Variants in USP6 observed in about 807,000 individuals in gnomAD.
The protein encoded by USP6 is ubiquitin specific peptidase 6, also known as ubiquitin carboxyl-terminal hydrolase 6.
Under a neutral mutation model 175.7 loss-of-function variants are expected in USP6, and 128 were observed. That is an observed-to-expected ratio of 0.73 (90% CI 0.63 to 0.84). USP6 has a LOEUF of 0.84. Ranked by LOEUF, USP6 falls within the 40% of genes least tolerant of loss-of-function variation. USP6 has a pLI of 0.00. For synonymous variants in USP6, 562 were observed against 630.6 expected (o/e 0.89, Z 1.63); for missense variants, 1,498 against 1,760.3 (o/e 0.85, Z 2.67).
At chr17:5,143,070 C>T (rs1480237157) in intron 25 of USP6, among the ~76,000 whole-genome samples, 4 of 152,162 alleles carry the variant, frequency 2.6e-5, no homozygotes, top group Admixed American at 2.0e-4. Context: ...CCGCCCCATC[C>T]GGGAGGGAGG....
intron 1 of USP6, among the ~76,000 whole-genome samples, chr17:5,117,121 A>T (rs2072555524): frequency 6.6e-6 from 1 of 152,202 alleles, no homozygotes; most frequent in Non-Finnish European, 1.5e-5. Context: ...TTTATTAATG[A>T]TTCTAATTAG....
chr17:5,125,678 G>GCACGCACACA (rs1555589162), intron 5 of USP6, 143 bp from the exon 6 acceptor site: 1 of 137,592 alleles, frequency 7.3e-6, no homozygotes, highest in Non-Finnish European at 1.6e-5. Context: ...ACACGCACAT[G>GCACGCACACA]CACACACACA....
intron 6 of USP6, among the ~76,000 whole-genome samples, chr17:5,126,575 C>T (rs2072901055): frequency 6.6e-6 from 1 of 152,142 alleles, no homozygotes; most frequent in Admixed American, 6.5e-5. Context: ...TGTCTCTTTG[C>T]GTTTTGTGTC....
intron 26 of USP6, 23 bp from the exon 27 acceptor site, chr17:5,145,382 A>T: frequency 6.4e-7 from 1 of 1,554,096 alleles, no homozygotes; most frequent in South Asian, 1.2e-5. Flanking sequence ...TTGAGAGAAA[A>T]TTCTCATCTT....
chr17:5,150,307 T>A lies in USP6; in HGVS notation c.2643+1540T>A, dbSNP rs571307021. On this transcript the variant is annotated intron_variant, in intron 30 of 37. Coordinates refer to ENST00000574788, the MANE Select transcript of USP6 (RefSeq NM_001304284.2). Reference sequence around the variant, plus strand: ...AACTCCGTCTAAAAAAATAAATAAATAAATAAATAAATAAATAAATAAATA... The same window carrying A: ...AACTCCGTCTAAAAAAATAAATAAAAAAATAAATAAATAAATAAATAAATA... Among the ~76,000 whole-genome samples the A allele has an allele frequency of 5.2e-4, 75 of 144,776 alleles. 1 individual carries two copies. The highest frequency in any genetic ancestry group is 7.0e-3 in the Middle Eastern group (2 of 286). The allele number at this position is 144,776 out of a possible 152,430, so 95.0% of individuals were successfully genotyped here.
At chr17:5,143,972 A>G (rs2073533925) in intron 25 of USP6, among the ~76,000 whole-genome samples, 4 of 152,166 alleles carry the variant, frequency 2.6e-5, no homozygotes, top group South Asian at 2.1e-4. Context: ...ACTAATGAAT[A>G]TAAGTTTTAT....
At chr17:5,123,902 T>A (rs11870478) in intron 4 of USP6, among the ~76,000 whole-genome samples, 1 of 149,444 alleles carries the variant, frequency 6.7e-6, no homozygotes, top group Non-Finnish European at 1.5e-5. Context: ...AGCACGCACG[T>A]GCGCACACAC....
rs1381158759 is a variant in USP6, at chr17:5,155,560, G to A, written c.2782G>A (p.Ala928Thr). ...DAVWIQVSWL[A>T]RPLPPQEASI... The stretch of plus-strand genomic sequence containing the variant: ...GGTTTGGATTCAAGTATCCTGGTTA[G>A]CAAGACCACTCCCACCTCAGGAAGC... Residue 928 changes from alanine to threonine, a missense_variant, in exon 31 of 38, where the codon GCA becomes ACA. This residue lies in a region of USP6 where 1,217 missense variants were observed against 1,500.8 expected (regional missense o/e 0.81). Coordinates refer to ENST00000574788, the MANE Select transcript of USP6 (RefSeq NM_001304284.2). 2 of 1,613,864 alleles carry A rather than the reference G, an allele frequency of 1.2e-6. No homozygotes were observed. Among genetic ancestry groups the A allele is most frequent in the African/African-American group, 2.7e-5 (2 of 74,862 alleles).
chr17:5,167,365 T>G (rs1288101520), intron 33 of USP6, among the ~76,000 whole-genome samples: 1 of 152,270 alleles, frequency 6.6e-6, no homozygotes, highest in Non-Finnish European at 1.5e-5. Flanking sequence ...CAATTCTTTT[T>G]GTTTTTGTCA....
Position 5,133,986 on chromosome 17 carries a change from TATGGAGCCAAGTA to T in USP6, c.486_494+4del. 5.6e-6 allele frequency: 9 copies of T among 1,613,834 alleles called. No individual in the cohort carries two copies. The highest frequency in any genetic ancestry group is 5.9e-6 in the Non-Finnish European group (7 of 1,179,898). On this transcript the variant is annotated splice_donor_variant and splice_donor_region_variant and coding_sequence_variant and intron_variant, in exon 15 of 38. Transcript: ENST00000574788. LOFTEE classifies it high-confidence loss of function. Reference sequence around the variant, plus strand: ...GAACCATGTCTTCTTTAGGGATCGATATGGAGCCAAGTAAGCCTACGGGAGCCACACAGTCCCA... The same window carrying T: ...GAACCATGTCTTCTTTAGGGATCGATAGCCTACGGGAGCCACACAGTCCCA...
chr17:5,168,116 C>G lies in USP6; in HGVS notation c.3221C>G (p.Pro1074Arg), dbSNP rs1267225299. 6.2e-7 allele frequency: 1 copy of G among 1,606,236 alleles called. No individual in the cohort carries two copies. The change falls in exon 34 of 38, where the codon CCC becomes CGC. Residue 1074 changes from proline to arginine, a missense_variant. This residue lies in a region of USP6 where 1,217 missense variants were observed against 1,500.8 expected (regional missense o/e 0.81). Transcript: ENST00000574788. The stretch of plus-strand genomic sequence containing the variant: ...AAGCTGGATCTCTGGAGGCTTCCAC[C>G]CTTCCTGGTATGTTACGGTCCTGCC... Reference protein sequence around the residue: ...TKKLDLWRLPPFLIIHLKRFQ... With the variant: ...TKKLDLWRLPRFLIIHLKRFQ...
At chr17:5,119,197 C>T (rs924944162) in intron 2 of USP6, among the ~76,000 whole-genome samples, 43 of 152,278 alleles carry the variant, frequency 2.8e-4, no homozygotes, top group African/African-American at 1.0e-3. Context: ...CAGTTTTGGT[C>T]CTCTTGGAGT....
At chr17:5,156,170 A>G (rs1474641395) in intron 31 of USP6, among the ~76,000 whole-genome samples, 1 of 152,160 alleles carries the variant, frequency 6.6e-6, no homozygotes, top group Non-Finnish European at 1.5e-5. Flanking sequence ...AAAATAATTA[A>G]CATTTTCTGT....
At chr17:5,157,643 C>T (rs149877234) in intron 31 of USP6, among the ~76,000 whole-genome samples, 23 of 151,698 alleles carry the variant, frequency 1.5e-4, no homozygotes, top group African/African-American at 4.1e-4. Flanking sequence ...TTCTGGTTGG[C>T]GGGGGGCGGG....
rs375851155 is a variant in USP6 at position 5,133,994 on chromosome 17, C to G, written c.492C>G (p.Ala164=). Residue 164 remains alanine, a splice_region_variant and synonymous_variant, in exon 15 of 38, where the codon GCC becomes GCG. Coordinates refer to ENST00000574788, the MANE Select transcript of USP6 (RefSeq NM_001304284.2). ...NHVFFRDRYG[A]KQRELFYILL... ...TCTTCTTTAGGGATCGATATGGAGC[C>G]AAGTAAGCCTACGGGAGCCACACAG... is the stretch of plus-strand genomic sequence containing the variant. 2 of 1,613,772 alleles carry G rather than the reference C, an allele frequency of 1.2e-6. No homozygotes were observed. The highest frequency in any genetic ancestry group is 2.7e-5 in the African/African-American group (2 of 74,890).
rs1356068581 is a variant in USP6 at position 5,148,483 on chromosome 17, A to G, written c.2432-73A>G. The G allele has an allele frequency of 7.9e-6, 12 of 1,522,910 alleles. No homozygotes were observed. In the Admixed American group the frequency reaches 1.0e-4, roughly 13 times the overall value. The allele number at this position is 1,522,910 out of a possible 1,614,324, so 94.3% of individuals were successfully genotyped here. A position where few individuals can be genotyped will look rare whatever the true frequency, so the allele number is the denominator to read the frequency against. On this transcript the variant is annotated intron_variant, in intron 29 of 37. Coordinates refer to ENST00000574788, the MANE Select transcript of USP6 (RefSeq NM_001304284.2). ...AGAGACTACACTGTCTCTCGTCCTC[A>G]GGATACTTGAGAAAAGAGCAAAGAT...
chr17:5,119,163 G>C (rs2072597122), intron 2 of USP6, among the ~76,000 whole-genome samples: 1 of 152,156 alleles, frequency 6.6e-6, no homozygotes, highest in Non-Finnish European at 1.5e-5. Context: ...TCCTCAAAGA[G>C]ATTATCAGAC....
chr17:5,143,621 G>A (rs1360722614), intron 25 of USP6, among the ~76,000 whole-genome samples: 11 of 151,908 alleles, frequency 7.2e-5, no homozygotes, highest in East Asian at 1.9e-4. Flanking sequence ...ACACTGCGGA[G>A]GGCCGCAGGG....
intron 4 of USP6, among the ~76,000 whole-genome samples, chr17:5,123,923 A>G (rs758516169): frequency 2.9e-5 from 3 of 103,112 alleles, no homozygotes; most frequent in African/African-American, 7.2e-5. Context: ...ACACACGCAC[A>G]CACACACACA....
Sources: allele counts gnomAD v4.1 joint callset (sites outside exome capture counted in the v4.1 genomes callset), GRCh38; gene constraint gnomAD v4.1.1; regional missense constraint gnomAD v4.1.1; transcripts MANE v1.5; gene names NCBI Gene and HGNC (gene_info 2026-07-23, HGNC 2026-07-21).